Variants in TUSC3 observed in about 807,000 individuals in gnomAD.
TUSC3 encodes the protein dolichyl-diphosphooligosaccharide--protein glycosyltransferase subunit TUSC3.
A neutral mutation model predicts 44.8 loss-of-function variants in TUSC3; 45 were observed. The observed-to-expected ratio is 1.00, with a 90% CI of 0.79 to 1.29. TUSC3 has a LOEUF of 1.29. Among genes scored for constraint, TUSC3 ranks in the 50% most tolerant of loss-of-function variants. The pLI is 0.00. For synonymous variants in TUSC3, 212 were observed against 152.9 expected, an observed-to-expected ratio of 1.39 and a Z score of -2.85; for missense variants, 519 against 437.9, an observed-to-expected ratio of 1.19 and a Z score of -1.65.
intron 1 of TUSC3, among the ~76,000 whole-genome samples, chr8:15,592,331 G>A (rs901372836): frequency 6.6e-6 from 1 of 152,184 alleles, no homozygotes; most frequent in Non-Finnish European, 1.5e-5. Context: ...TTTTCTGTGT[G>A]AATAGCACTT....
At chr8:15,535,539 A>T (rs1349922364), upstream of TUSC3, among the ~76,000 whole-genome samples, 2 of 152,154 alleles carry the variant, frequency 1.3e-5, no homozygotes, top group Non-Finnish European at 2.9e-5. Flanking sequence ...ATTATAGGGC[A>T]GAGGAAGCAA....
intron 1 of TUSC3, among the ~76,000 whole-genome samples, chr8:15,590,625 TA>T (rs1344214471): frequency 6.6e-6 from 1 of 151,798 alleles, no homozygotes; most frequent in African/African-American, 2.4e-5. Context: ...AAAGTATTTA[TA>T]AATATTTATT....
At chr8:15,523,186 A>T (rs1801321201) in intron 2 of TUSC3, among the ~76,000 whole-genome samples, 1 of 152,182 alleles carries the variant, frequency 6.6e-6, no homozygotes, top group Non-Finnish European at 1.5e-5. Flanking sequence ...TGATGGCATT[A>T]ATCCACTGCA....
intron 1 of TUSC3, among the ~76,000 whole-genome samples, chr8:15,461,566 C>T (rs1379052133): frequency 1.3e-5 from 2 of 151,884 alleles, no homozygotes. Flanking sequence ...ACTTCCAGTA[C>T]TATATTAAAG....
chr8:15,596,095 C>A (rs548061025), intron 1 of TUSC3, among the ~76,000 whole-genome samples: 3 of 152,254 alleles, frequency 2.0e-5, no homozygotes, highest in South Asian at 2.1e-4. Context: ...CATTTATTTT[C>A]TCAGAATGAG....
At chr8:15,689,241 G>T in intron 6 of TUSC3, 2 of 352,452 alleles carry the variant, frequency 5.7e-6, no homozygotes, top group Non-Finnish European at 5.6e-6. Context: ...TATATTTTCA[G>T]GCTGGATGGG....
At chr8:15,509,380 A>C (rs1801102178) in intron 2 of TUSC3, among the ~76,000 whole-genome samples, 1 of 152,176 alleles carries the variant, frequency 6.6e-6, no homozygotes, top group Non-Finnish European at 1.5e-5. Context: ...AGGCCAAGGC[A>C]GGCAAATTGC....
chr8:15,737,389 T>C (rs1448425699), intron 7 of TUSC3, among the ~76,000 whole-genome samples: 24 of 152,192 alleles, frequency 1.6e-4, no homozygotes, highest in Admixed American at 1.6e-3. Context: ...TATTCGTTAC[T>C]AATTCTGTAG....
chr8:15,830,708 T>G, the TUSC3 span, among the ~76,000 whole-genome samples: 7 of 152,058 alleles, frequency 4.6e-5, no homozygotes, highest in Admixed American at 4.6e-4. Context: ...AGCTCAATAA[T>G]GGGTACACAA....
chr8:15,567,776 T>G lies in TUSC3; in HGVS notation c.138+27208T>G, dbSNP rs139410435. 6.6e-5 allele frequency among the ~76,000 whole-genome samples: 10 copies of G among 152,230 alleles called. No individual in the cohort carries two copies. In the East Asian group the frequency reaches 1.9e-3, roughly 29 times the overall value. Reference sequence around the variant, plus strand: ...AATGGTTTTTGCCTCTCTACAAAATTTTGTGGTTATTGTGTGCACATTTTG... The same window carrying G: ...AATGGTTTTTGCCTCTCTACAAAATGTTGTGGTTATTGTGTGCACATTTTG... On this transcript the variant is annotated intron_variant, in intron 1 of 10. Coordinates refer to ENST00000503731, the MANE Select transcript of TUSC3 (RefSeq NM_006765.4).
At chr8:15,616,491 C>T (rs1264009462) in intron 1 of TUSC3, among the ~76,000 whole-genome samples, 2 of 152,180 alleles carry the variant, frequency 1.3e-5, no homozygotes, top group East Asian at 1.9e-4. Context: ...GCTGGAGAAT[C>T]GTTTGAACCT....
chr8:15,769,553 G>A (rs1023572637), downstream of TUSC3, among the ~76,000 whole-genome samples: 2 of 152,022 alleles, frequency 1.3e-5, no homozygotes, highest in Non-Finnish European at 2.9e-5. Flanking sequence ...CAAAATCAAT[G>A]GCAACAAATG....
intron 1 of TUSC3, among the ~76,000 whole-genome samples, chr8:15,571,591 G>C (rs1802880197): frequency 1.3e-5 from 2 of 152,102 alleles, no homozygotes; most frequent in South Asian, 4.1e-4. Context: ...GACCAATAAG[G>C]GTACTGGCTG....
chr8:15,621,683 A>G lies in TUSC3; in HGVS notation c.139-1397A>G, dbSNP rs539811904. 6.7e-5 allele frequency among the ~76,000 whole-genome samples: 10 copies of G among 149,276 alleles called. No individual in the cohort carries two copies. In the East Asian group the frequency reaches 1.9e-3, roughly 29 times the overall value. On this transcript the variant is annotated intron_variant, in intron 1 of 10. Transcript: ENST00000503731. ...GCTATATATTTTTATATATAAATCT[A>G]TATATGTAAATCTAACTAAATGCAA...
chr8:15,806,119 G>C, the TUSC3 span: 1,067 of 428,590 alleles, frequency 2.5e-3, 11 homozygotes, highest in African/African-American at 0.019. Context: ...TGGAGGTGAA[G>C]GTAAACTCCA....
intron 2 of TUSC3, among the ~76,000 whole-genome samples, chr8:15,489,901 C>T (rs1800783946): frequency 6.6e-6 from 1 of 152,110 alleles, no homozygotes; most frequent in Admixed American, 6.5e-5. Flanking sequence ...AAATCAGATA[C>T]ATAAGATAAA....
At chr8:15,535,239 T>C (rs1325314528), upstream of TUSC3, among the ~76,000 whole-genome samples, 3 of 152,246 alleles carry the variant, frequency 2.0e-5, no homozygotes, top group Admixed American at 6.5e-5. Context: ...AAGGTCTTTG[T>C]GCACTCCAGT....
intron 6 of TUSC3, among the ~76,000 whole-genome samples, chr8:15,700,712 A>G (rs937114291): frequency 6.6e-6 from 1 of 152,054 alleles, no homozygotes; most frequent in African/African-American, 2.4e-5. Context: ...AAATCATGGA[A>G]TGATTTGAAG....
At chr8:15,539,754 G>A (rs1252172109), upstream of TUSC3, among the ~76,000 whole-genome samples, 1 of 152,106 alleles carries the variant, frequency 6.6e-6, no homozygotes, top group Non-Finnish European at 1.5e-5. Flanking sequence ...TGCACTCCAT[G>A]GATGCTGAAT....
Sources: allele counts gnomAD v4.1 joint callset (sites outside exome capture counted in the v4.1 genomes callset), GRCh38; gene constraint gnomAD v4.1.1; transcripts MANE v1.5; gene names NCBI Gene and HGNC (gene_info 2026-07-23, HGNC 2026-07-21).